The following AFF3 variants were observed in gnomAD, a reference collection of about 807,000 sequenced individuals.
The protein encoded by AFF3 is ALF transcription elongation factor 3.
Under a neutral mutation model 129.7 loss-of-function variants are expected in AFF3, and 32 were observed. The ratio of observed to expected loss-of-function variants is 0.25; its 90% CI spans 0.19 to 0.33. The LOEUF (loss-of-function observed/expected upper bound fraction) is 0.33, where lower values mean the gene tolerates loss of function less well. AFF3 is among the 10% of genes least tolerant of loss of function. AFF3 has a pLI of 1.00. For synonymous variants in AFF3, 644 were observed against 635.4 expected, an observed-to-expected ratio of 1.01 and a Z score of -0.20; for missense variants, 1,373 against 1,592.0, an observed-to-expected ratio of 0.86 and a Z score of 2.34.
At chr2:100,110,316 A>G (rs1244492263) in intron 2 of AFF3, 1 of 152,226 alleles carries the variant, frequency 6.6e-6, no homozygotes, top group Non-Finnish European at 1.5e-5. Context: ...TCTGCTTCAA[A>G]CAGGAGTGCT....
intron 8 of AFF3, among the ~76,000 whole-genome samples, chr2:99,792,683 C>T (rs1685283452): frequency 6.6e-6 from 1 of 152,108 alleles, no homozygotes; most frequent in South Asian, 2.1e-4. Context: ...TTAAATATAT[C>T]TTAAATTTTG....
chr2:99,965,478 A>G (rs1026986572), intron 7 of AFF3, among the ~76,000 whole-genome samples: 2 of 152,210 alleles, frequency 1.3e-5, no homozygotes, highest in African/African-American at 4.8e-5. Context: ...AATATTTAGA[A>G]ATCCACATTA....
In AFF3 at chr2:99,582,810, G is replaced by A. The variant is rs148546971; in HGVS notation, c.2781C>T (p.Gly927=). 38 of 1,614,094 alleles carry A rather than the reference G, an allele frequency of 2.4e-5. No homozygotes were observed. The highest frequency in any genetic ancestry group is 2.1e-4 in the African/African-American group (16 of 75,022). The change falls in exon 17 of 25, where the codon GGC becomes GGT. Residue 927 remains glycine, a synonymous_variant. Coordinates refer to ENST00000672756, the MANE Select transcript of AFF3 (RefSeq NM_001386135.1). ...PKADSQLQPH[G]GDLTKAAHNN... is the part of the protein sequence containing the mutation. ...AGCATCAACAAACCGTGAGGTCTCC[G>A]CCGTGAGGCTGCAGCTGGCTGTCGG...
At chr2:100,040,487 G>A (rs1185953309) in intron 4 of AFF3, among the ~76,000 whole-genome samples, 3 of 152,194 alleles carry the variant, frequency 2.0e-5, no homozygotes, top group Non-Finnish European at 4.4e-5. Flanking sequence ...GGGAAAACAA[G>A]ATCATGAATC....
chr2:99,643,726 GTACCCGC>G (rs1217528507), intron 13 of AFF3, among the ~76,000 whole-genome samples: 1 of 152,144 alleles, frequency 6.6e-6, no homozygotes, highest in Non-Finnish European at 1.5e-5. Context: ...TGCCAGGTGG[GTACCCGC>G]TGCCCTCCCC....
At chr2:100,051,493 T>A (rs932939329) in intron 4 of AFF3, among the ~76,000 whole-genome samples, 1 of 152,210 alleles carries the variant, frequency 6.6e-6, no homozygotes, top group Non-Finnish European at 1.5e-5. Flanking sequence ...AGAATTAGGA[T>A]GAGGCCAAGC....
At chr2:99,840,739 C>T (rs1271379551) in intron 7 of AFF3, among the ~76,000 whole-genome samples, 12 of 152,152 alleles carry the variant, frequency 7.9e-5, no homozygotes, top group Admixed American at 7.9e-4. Flanking sequence ...TCAGAGAGCT[C>T]TTTTGGAACC....
intron 11 of AFF3, among the ~76,000 whole-genome samples, chr2:99,722,570 T>C (rs1679003194): frequency 6.6e-6 from 1 of 152,334 alleles, no homozygotes; most frequent in Non-Finnish European, 1.5e-5. Context: ...CAAGCCCCTC[T>C]AACTTGGGTG....
intron 4 of AFF3, among the ~76,000 whole-genome samples, chr2:100,030,607 C>T (rs1684414193): frequency 6.6e-6 from 1 of 152,162 alleles, no homozygotes; most frequent in African/African-American, 2.4e-5. Context: ...AATCTGAAAG[C>T]AATCAAGATG....
At chr2:99,692,249 A>C (rs1162005279) in intron 11 of AFF3, among the ~76,000 whole-genome samples, 3 of 152,186 alleles carry the variant, frequency 2.0e-5, no homozygotes, top group Non-Finnish European at 4.4e-5. Context: ...CCCAAGGCCC[A>C]GGAAAGCCCC....
At chr2:100,131,102 C>T (rs566880675) in intron 1 of AFF3, among the ~76,000 whole-genome samples, 35 of 152,262 alleles carry the variant, frequency 2.3e-4, no homozygotes, top group African/African-American at 7.5e-4. Flanking sequence ...TGCTTAAGAA[C>T]GGGGCAGCTT....
intron 7 of AFF3, among the ~76,000 whole-genome samples, chr2:99,846,937 A>G (rs2105846309): frequency 6.6e-6 from 1 of 152,226 alleles, no homozygotes; most frequent in South Asian, 2.1e-4. Flanking sequence ...AGCCATTTCT[A>G]TGTATGCTCT....
intron 10 of AFF3, among the ~76,000 whole-genome samples, chr2:99,731,939 A>G (rs1679867091): frequency 6.6e-6 from 1 of 152,246 alleles, no homozygotes; most frequent in Non-Finnish European, 1.5e-5. Flanking sequence ...AAATGTATAT[A>G]GACACTTTCA....
chr2:99,844,173 A>G (rs535669456), intron 7 of AFF3, among the ~76,000 whole-genome samples: 1 of 152,360 alleles, frequency 6.6e-6, no homozygotes, highest in East Asian at 1.9e-4. Flanking sequence ...GGTATATGAT[A>G]TAAAGCCAAA....
chr2:99,552,688 G>C (rs974993557), intron 24 of AFF3, among the ~76,000 whole-genome samples: 11 of 152,106 alleles, frequency 7.2e-5, no homozygotes, highest in Non-Finnish European at 1.2e-4. Flanking sequence ...GGGATCCAGG[G>C]GTAGAACAGA....
chr2:99,869,557 G>T (rs1246128104), intron 7 of AFF3, among the ~76,000 whole-genome samples: 1 of 152,166 alleles, frequency 6.6e-6, no homozygotes, highest in African/African-American at 2.4e-5. Flanking sequence ...ACAGGACTTT[G>T]ACTGATAAGT....
chr2:99,575,272 T>C (rs917752813), intron 18 of AFF3, among the ~76,000 whole-genome samples: 1 of 152,130 alleles, frequency 6.6e-6, no homozygotes, highest in Non-Finnish European at 1.5e-5. Flanking sequence ...TGCTTTTTTT[T>C]CTTTAAGATG....
chr2:99,729,819 T>A (rs1679667400), intron 10 of AFF3, among the ~76,000 whole-genome samples: 1 of 149,022 alleles, frequency 6.7e-6, no homozygotes, highest in Non-Finnish European at 1.5e-5. Context: ...CTCCTGTTTG[T>A]GTCAGCTGTT....
chr2:99,786,109 G>A (rs1018409820), intron 8 of AFF3, among the ~76,000 whole-genome samples: 3 of 152,296 alleles, frequency 2.0e-5, no homozygotes, highest in South Asian at 4.1e-4. Context: ...CGTTGAGTGC[G>A]GACTCTCAAA....
Sources: gnomAD v4.1 joint callset for allele counts (sites outside exome capture counted in the v4.1 genomes callset) on GRCh38, gnomAD v4.1.1 for gene constraint, MANE v1.5 for transcripts, NCBI Gene and HGNC (gene_info 2026-07-23, HGNC 2026-07-21) for gene names.